DCAF4: variants seen among roughly 807,000 people sequenced by gnomAD.
The protein encoded by DCAF4 is DDB1- and CUL4-associated factor 4.
Under a neutral mutation model 60.9 loss-of-function variants are expected in DCAF4, and 37 were observed. The ratio of observed to expected loss-of-function variants is 0.61; its 90% CI spans 0.47 to 0.80. The LOEUF (loss-of-function observed/expected upper bound fraction) is 0.80, where lower values mean the gene tolerates loss of function less well. Among genes scored for constraint, DCAF4 ranks in the 30% least tolerant of loss-of-function variants. The probability of loss-of-function intolerance (pLI) is 0.00; values close to 1 mark genes in which losing one functional copy is unlikely to be tolerated. For synonymous variants in DCAF4, 243 were observed against 254.8 expected (o/e 0.95, Z 0.44); for missense variants, 577 against 650.0 (o/e 0.89, Z 1.22).
At chr14:72,947,046 G>T (rs777487700) in intron 7 of DCAF4, 96 bp from the exon 8 acceptor site, 1 of 1,489,602 alleles carries the variant, frequency 6.7e-7, no homozygotes, top group South Asian at 1.1e-5. Context: ...AGGACGTGAA[G>T]AGAGAAGTCA....
At chr14:72,958,222 C>T in intron 13 of DCAF4, 1 of 265,230 alleles carries the variant, frequency 3.8e-6, no homozygotes, top group South Asian at 4.1e-5. Context: ...GCAGTGAGCC[C>T]TGATCACACC....
intron 4 of DCAF4, 33 bp from the exon 5 acceptor site, chr14:72,941,712 A>C (rs1425184272): frequency 6.3e-7 from 1 of 1,592,594 alleles, no homozygotes; most frequent in Non-Finnish European, 8.6e-7. Flanking sequence ...ATAAATCTTC[A>C]TTGAATTGTT....
chr14:72,929,247 T>A (rs1473679036), intron 1 of DCAF4, among the ~76,000 whole-genome samples: 2 of 152,218 alleles, frequency 1.3e-5, no homozygotes, highest in Non-Finnish European at 2.9e-5. Context: ...AGACACCATT[T>A]TGGAGACCGG....
At chr14:72,949,141 T>A (rs937278551) in intron 8 of DCAF4, among the ~76,000 whole-genome samples, 1 of 152,164 alleles carries the variant, frequency 6.6e-6, no homozygotes, top group African/African-American at 2.4e-5. Context: ...ACACATCACA[T>A]ACTCAGATAG....
chr14:72,959,803 C>A, downstream of DCAF4: 1 of 357,180 alleles, frequency 2.8e-6, no homozygotes, highest in Non-Finnish European at 3.9e-6. Context: ...CTGTGCATGC[C>A]CAAAAGACTC....
chr14:72,959,311 T>C lies in DCAF4; in HGVS notation c.*506T>C. 1.0e-6 allele frequency: 1 copy of C among 985,718 alleles called. No homozygotes were observed. The highest frequency in any genetic ancestry group is 4.7e-5 in the South Asian group (1 of 21,292). The allele number at this position is 985,718 out of a possible 1,614,324, so 61.1% of individuals were successfully genotyped here. On this transcript the variant is annotated 3_prime_UTR_variant, in exon 14 of 14. Coordinates refer to ENST00000358377, the MANE Select transcript of DCAF4 (RefSeq NM_015604.4). ...AAGTTTCTGCAGAAATATTGAAGGC[T>C]GGAGTTTGGAATCCTTAAACTTGGC...
intron 4 of DCAF4, 66 bp from the exon 5 acceptor site, chr14:72,941,679 C>A: frequency 6.7e-7 from 1 of 1,482,462 alleles, no homozygotes; most frequent in Non-Finnish European, 9.4e-7. Flanking sequence ...GAACTAAAAA[C>A]ATTCTCCATC....
chr14:72,945,246 A>T (rs1343638159), intron 6 of DCAF4, among the ~76,000 whole-genome samples: 1 of 151,848 alleles, frequency 6.6e-6, no homozygotes, highest in South Asian at 2.1e-4. Flanking sequence ...ATATAAAAGT[A>T]GCCAGGCACA....
intron 7 of DCAF4, 22 bp downstream of exon 7, chr14:72,946,049 C>G (rs200313748): frequency 1.2e-6 from 2 of 1,612,054 alleles, no homozygotes; most frequent in African/African-American, 2.7e-5. Flanking sequence ...ATCCCTGTAG[C>G]CTCTCTGCAC....
In DCAF4 at chr14:72,954,463, G is replaced by C; in HGVS notation, c.985G>C (p.Ala329Pro). The C allele has an allele frequency of 1.9e-6, 3 of 1,614,194 alleles. No individual in the cohort carries two copies. Among genetic ancestry groups the C allele is most frequent in the Non-Finnish European group, 2.5e-6 (3 of 1,180,034 alleles). Residue 329 changes from alanine (A) to proline (P), a missense_variant, in exon 11 of 14, where the codon GCC becomes CCC. Coordinates refer to ENST00000358377, the MANE Select transcript of DCAF4 (RefSeq NM_015604.4). ...CTTTGGGACCAACAGTGATGTCTTG[G>C]CCCAGCAGTTTGCTCTCATGGTTGG... The part of the protein sequence containing the change: ...QSFGTNSDVL[A>P]QQFALMAPLL...
intron 7 of DCAF4, among the ~76,000 whole-genome samples, chr14:72,946,625 G>T (rs2140264550): frequency 6.6e-6 from 1 of 152,292 alleles, no homozygotes; most frequent in East Asian, 1.9e-4. Flanking sequence ...AGTGACTGTG[G>T]CCTGCATGGG....
At position 72,951,730 on chromosome 14, in the gene DCAF4, G is replaced by A; in HGVS notation, c.729-68G>A. Reference sequence around the variant, plus strand: ...GTTGTGTGCCGTATGACTTTCTGAAGGGTAAATGTCCATGCCTCCTCCCAG... The same window carrying A: ...GTTGTGTGCCGTATGACTTTCTGAAAGGTAAATGTCCATGCCTCCTCCCAG... On this transcript the variant is annotated intron_variant, in intron 8 of 13. Coordinates refer to ENST00000358377, the MANE Select transcript of DCAF4 (RefSeq NM_015604.4). 5.3e-6 allele frequency: 8 copies of A among 1,497,512 alleles called. No individual in the cohort carries two copies. In the East Asian group the frequency reaches 9.0e-5, roughly 17 times the overall value. The allele number at this position is 1,497,512 out of a possible 1,614,324, so 92.8% of individuals were successfully genotyped here.
At position 72,947,729 on chromosome 14, in the gene DCAF4, G is replaced by A. The variant is rs114222313; in HGVS notation, c.728+538G>A. On this transcript the variant is annotated intron_variant, in intron 8 of 13. Coordinates refer to ENST00000358377, the MANE Select transcript of DCAF4 (RefSeq NM_015604.4). ...GGAAGCTGAGGGCAAGGTCAGAGAG[G>A]GGGTTCCTTTGGCAGTGGACATGGG... Among the ~76,000 whole-genome samples, 1,034 of 152,278 alleles carry A rather than the reference G, an allele frequency of 6.8e-3. 7 individuals carry two copies. Among genetic ancestry groups the A allele is most frequent in the African/African-American group, 0.024 (985 of 41,556 alleles).
intron 6 of DCAF4, among the ~76,000 whole-genome samples, chr14:72,945,334 C>T (rs1047486756): frequency 1.3e-5 from 2 of 151,674 alleles, no homozygotes; most frequent in South Asian, 4.2e-4. Context: ...TCAGGGTTAT[C>T]ATAAGCCATG....
At chr14:72,935,337 C>A (rs892507249) in intron 1 of DCAF4, among the ~76,000 whole-genome samples, 29 of 151,808 alleles carry the variant, frequency 1.9e-4, no homozygotes, top group African/African-American at 6.5e-4. Context: ...TCACTGCAAC[C>A]TCCGCCACCT....
intron 1 of DCAF4, among the ~76,000 whole-genome samples, chr14:72,927,986 G>T (rs1887857383): frequency 1.3e-5 from 2 of 151,754 alleles, no homozygotes; most frequent in African/African-American, 4.8e-5. Context: ...AGATGGGGCG[G>T]AGGGGTGTCT....
chr14:72,951,912 T>C (rs749358785), intron 9 of DCAF4, 35 bp downstream of exon 9: 1 of 1,610,262 alleles, frequency 6.2e-7, no homozygotes, highest in Non-Finnish European at 8.5e-7. Context: ...AAATCTGTCC[T>C]CTGTCTCCCG....
chr14:72,945,742 CTCCACTCTCGCT>C, intron 6 of DCAF4, 130 bp from the exon 7 acceptor site: 1 of 1,124,538 alleles, frequency 8.9e-7, no homozygotes, highest in Non-Finnish European at 1.3e-6. Context: ...GTGAGGTCAT[CTCCACTCTCGCT>C]CATGGAGAGG....
intron 1 of DCAF4, among the ~76,000 whole-genome samples, chr14:72,928,594 T>TATATATATATAA (rs1888030874): frequency 5.4e-4 from 4 of 7,424 alleles, no homozygotes; most frequent in African/African-American, 6.0e-4. Context: ...TTTATATATA[T>TATATATATATAA]ATATATATAT....
Sources: gnomAD v4.1 joint callset for allele counts (sites outside exome capture counted in the v4.1 genomes callset) on GRCh38, gnomAD v4.1.1 for gene constraint, MANE v1.5 for transcripts, NCBI Gene and HGNC (gene_info 2026-07-23, HGNC 2026-07-21) for gene names.